ELOVL2: variants seen among roughly 807,000 people sequenced by gnomAD.
The protein encoded by ELOVL2 is ELOVL fatty acid elongase 2, also known as very long chain fatty acid elongase 2.
In ELOVL2, 38 loss-of-function variants were observed where a neutral mutation model predicts 37.7. That is an observed-to-expected ratio of 1.01 (90% CI 0.78 to 1.32). The LOEUF is 1.32. ELOVL2 is among the 40% of genes most tolerant of loss of function. The pLI is 0.00. For synonymous variants in ELOVL2, 115 were observed against 122.3 expected, an observed-to-expected ratio of 0.94 and a Z score of 0.40; for missense variants, 352 against 363.6, an observed-to-expected ratio of 0.97 and a Z score of 0.26.
chr6:10,983,960 C>A (rs930008592), intron 7 of ELOVL2, 54 bp from the exon 8 acceptor site: 23 of 1,507,990 alleles, frequency 1.5e-5, no homozygotes, highest in Non-Finnish European at 2.0e-5. Flanking sequence ...TTAATAAGAC[C>A]TTGTCTTTAA....
chr6:11,030,319 T>C (rs991837543), intron 1 of ELOVL2, among the ~76,000 whole-genome samples: 19 of 152,182 alleles, frequency 1.2e-4, no homozygotes, highest in Admixed American at 6.5e-5. Context: ...TCATCTGTCC[T>C]AGATGTGCTA....
At chr6:11,025,044 C>T (rs983859001) in intron 1 of ELOVL2, among the ~76,000 whole-genome samples, 1 of 152,168 alleles carries the variant, frequency 6.6e-6, no homozygotes, top group Non-Finnish European at 1.5e-5. Context: ...TCGCAGAATT[C>T]GCAGTGTGCA....
At chr6:11,010,856 T>G in intron 1 of ELOVL2, 47 bp from the exon 2 acceptor site, 1 of 1,487,734 alleles carries the variant, frequency 6.7e-7, no homozygotes, top group Admixed American at 1.8e-5. Flanking sequence ...TTCTTCTTTT[T>G]TTGAAACGGT....
chr6:11,005,442 A>C lies in ELOVL2; in HGVS notation c.185T>G (p.Leu62Arg). 1 of 1,614,128 alleles carries C rather than the reference A, an allele frequency of 6.2e-7. No homozygotes were observed. Among genetic ancestry groups the C allele is most frequent in the African/African-American group, 1.3e-5 (1 of 75,054 alleles). ...CAAGGTGAGGATACCCCTGAGAGAA[A>C]GAGCAGGTCTGTTCTTCATATACTT... ...GNKYMKNRPA[L>R]SLRGILTLYN... Residue 62 changes from leucine (L) to arginine (R), a missense_variant, in exon 3 of 8, where the codon CTT becomes CGT. Coordinates refer to ENST00000354666, the MANE Select transcript of ELOVL2 (RefSeq NM_017770.4).
chr6:11,031,675 C>T (rs991898779), intron 1 of ELOVL2, among the ~76,000 whole-genome samples: 3 of 152,102 alleles, frequency 2.0e-5, no homozygotes, highest in Non-Finnish European at 4.4e-5. Flanking sequence ...TCTGTCATCT[C>T]AAAATTTTCA....
chr6:11,029,258 G>C (rs1454346545), intron 1 of ELOVL2, among the ~76,000 whole-genome samples: 1 of 146,646 alleles, frequency 6.8e-6, no homozygotes, highest in East Asian at 2.0e-4. Flanking sequence ...AGGTAGGCTG[G>C]CATTCAGTGT....
intron 3 of ELOVL2, among the ~76,000 whole-genome samples, chr6:11,003,592 T>C (rs963336484): frequency 2.6e-5 from 4 of 152,244 alleles, no homozygotes; most frequent in Non-Finnish European, 4.4e-5. Flanking sequence ...TCTTTGCTAT[T>C]GTAAATAGTG....
intron 1 of ELOVL2, among the ~76,000 whole-genome samples, chr6:11,014,832 T>A (rs1360910917): frequency 6.6e-6 from 1 of 152,256 alleles, no homozygotes; most frequent in African/African-American, 2.4e-5. Context: ...AGGAATTCTT[T>A]GAGGCTTTTC....
chr6:11,025,851 T>G (rs1402628379), intron 1 of ELOVL2, among the ~76,000 whole-genome samples: 1 of 152,240 alleles, frequency 6.6e-6, no homozygotes, highest in African/African-American at 2.4e-5. Context: ...AAATAATTTT[T>G]CTTTTTAGAT....
chr6:11,038,581 G>A (rs1783051408), intron 1 of ELOVL2, among the ~76,000 whole-genome samples: 1 of 151,920 alleles, frequency 6.6e-6, no homozygotes, highest in Non-Finnish European at 1.5e-5. Context: ...TTTAATTTCA[G>A]CAAGAACTTA....
chr6:11,017,760 T>C (rs983821768), intron 1 of ELOVL2, among the ~76,000 whole-genome samples: 14 of 152,302 alleles, frequency 9.2e-5, no homozygotes, highest in African/African-American at 3.4e-4. Context: ...ATTTTTTCTT[T>C]ACAGCACGTA....
At chr6:11,017,700 G>C (rs1177924224) in intron 1 of ELOVL2, among the ~76,000 whole-genome samples, 5 of 152,164 alleles carry the variant, frequency 3.3e-5, no homozygotes, top group Non-Finnish European at 1.5e-5. Flanking sequence ...GCATCTGCTT[G>C]TGGCATCCTG....
At position 11,007,507 on chromosome 6, in the gene ELOVL2, T is replaced by C. The variant is rs537394557; in HGVS notation, c.68-1948A>G. 2.2e-4 allele frequency among the ~76,000 whole-genome samples: 34 copies of C among 152,260 alleles called. 1 individual carries two copies. Among genetic ancestry groups the C allele is most frequent in the South Asian group, 1.9e-3 (9 of 4,818 alleles). On this transcript the variant is annotated intron_variant, in intron 2 of 7. Transcript: ENST00000354666. Reference sequence around the variant, plus strand: ...AACCACCAGAAACTACGGGGAGTCATGGTACAGAATCTTCCCTAGAACCTC... The same window carrying C: ...AACCACCAGAAACTACGGGGAGTCACGGTACAGAATCTTCCCTAGAACCTC...
At chr6:10,984,877 G>C (rs1214200754) in intron 7 of ELOVL2, among the ~76,000 whole-genome samples, 9 of 152,178 alleles carry the variant, frequency 5.9e-5, no homozygotes, top group Non-Finnish European at 1.0e-4. Context: ...TATATACCCA[G>C]TGATGGGATG....
intron 5 of ELOVL2, among the ~76,000 whole-genome samples, chr6:10,994,012 C>CA (rs767420973): frequency 0.21 from 22,502 of 105,924 alleles, 2,316 homozygotes; most frequent in Middle Eastern, 0.36. Flanking sequence ...CCAGCCCTAC[C>CA]AAAAAAAAAA....
intron 1 of ELOVL2, among the ~76,000 whole-genome samples, chr6:11,015,211 A>G (rs1782650515): frequency 6.6e-6 from 1 of 152,178 alleles, no homozygotes; most frequent in Non-Finnish European, 1.5e-5. Context: ...AGAAGAAGAG[A>G]CCAGAATAGC....
intron 5 of ELOVL2, among the ~76,000 whole-genome samples, chr6:10,994,493 T>C (rs1782228811): frequency 8.0e-6 from 1 of 124,756 alleles, no homozygotes; most frequent in South Asian, 2.8e-4. Context: ...AGAACAAATA[T>C]GAATGAGTGC....
rs948320208 is a variant in ELOVL2 at position 10,981,340 on chromosome 6, A to G, written c.*2441T>C. Reference sequence around the variant, plus strand: ...GTTTTAGAAAAATCACATTAAAATAAGCATTTTGGTTTTTTGAAGTTACAA... The same window carrying G: ...GTTTTAGAAAAATCACATTAAAATAGGCATTTTGGTTTTTTGAAGTTACAA... On this transcript the variant is annotated 3_prime_UTR_variant, in exon 8 of 8. Transcript: ENST00000354666. 6.6e-6 allele frequency: 1 copy of G among 152,668 alleles called. No individual in the cohort carries two copies. The highest frequency in any genetic ancestry group is 1.5e-5 in the Non-Finnish European group (1 of 68,040). 9.5% of individuals were successfully genotyped at this position (152,668 alleles called of 1,614,324 possible).
chr6:11,029,503 C>G (rs915328867), intron 1 of ELOVL2, among the ~76,000 whole-genome samples: 3 of 152,168 alleles, frequency 2.0e-5, no homozygotes, highest in African/African-American at 7.2e-5. Flanking sequence ...GTCACTGATT[C>G]AGTGTTCTGC....
Sources: gnomAD v4.1 joint callset for allele counts (sites outside exome capture counted in the v4.1 genomes callset) on GRCh38, gnomAD v4.1.1 for gene constraint, MANE v1.5 for transcripts, NCBI Gene and HGNC (gene_info 2026-07-23, HGNC 2026-07-21) for gene names.